Variants in FERMT2 observed in about 807,000 individuals in gnomAD.
FERMT2 encodes the protein fermitin family homolog 2.
FERMT2 carries 15 observed loss-of-function variants against 82.7 expected under a neutral mutation model. The ratio of observed to expected loss-of-function variants is 0.18; its 90% CI spans 0.12 to 0.28. The LOEUF (loss-of-function observed/expected upper bound fraction) is 0.28. Among genes scored for constraint, FERMT2 ranks in the 10% least tolerant of loss-of-function variants. FERMT2 has a pLI of 1.00. For synonymous variants in FERMT2, 274 were observed against 271.5 expected (o/e 1.01, Z -0.09); for missense variants, 645 against 809.4 (o/e 0.80, Z 2.46).
At chr14:52,893,270 C>G in intron 4 of FERMT2, 23 bp downstream of exon 4, 1 of 1,579,068 alleles carries the variant, frequency 6.3e-7, no homozygotes, top group Non-Finnish European at 8.6e-7. Context: ...TACTTTGAGT[C>G]CATTGCTTGG....
chr14:52,950,448 T>C lies in FERMT2; in HGVS notation c.121A>G (p.Ile41Val). The C allele has an allele frequency of 6.2e-7, 1 of 1,613,764 alleles. No homozygotes were observed. Among genetic ancestry groups the C allele is most frequent in the Non-Finnish European group, 8.5e-7 (1 of 1,179,904 alleles). ...VTLRVTGEVHIGGVMLKLVEK... is the reference protein window; with the variant it reads ...VTLRVTGEVHVGGVMLKLVEK... ...ACCAGCTTAAGCATCACGCCTCCAA[T>C]GTGCACCTCGCCGGTCACTCTCAGG... The change falls in exon 2 of 15, where the codon ATT becomes GTT. Residue 41 changes from isoleucine (I) to valine (V), a missense_variant. Coordinates refer to ENST00000341590, the MANE Select transcript of FERMT2 (RefSeq NM_006832.3).
chr14:52,901,105 CAAAAAAAAA>C (rs71125146), intron 3 of FERMT2, among the ~76,000 whole-genome samples: 9,802 of 68,852 alleles, frequency 0.14, 421 homozygotes, highest in East Asian at 0.31. Flanking sequence ...ACTAAAAATA[CAAAAAAAAA>C]AAAAAAAAAA....
intron 3 of FERMT2, among the ~76,000 whole-genome samples, chr14:52,896,281 A>G (rs539786204): frequency 1.2e-4 from 18 of 152,324 alleles, no homozygotes; most frequent in Non-Finnish European, 2.5e-4. Flanking sequence ...AACACAATTC[A>G]TATCACTACA....
intron 4 of FERMT2, among the ~76,000 whole-genome samples, chr14:52,887,908 G>A (rs1886707722): frequency 6.6e-6 from 1 of 152,042 alleles, no homozygotes; most frequent in Admixed American, 6.6e-5. Context: ...TAACCCTTGT[G>A]GAGTTATTTC....
chr14:52,867,487 C>A (rs1885358445), intron 10 of FERMT2, among the ~76,000 whole-genome samples: 1 of 151,168 alleles, frequency 6.6e-6, no homozygotes, highest in African/African-American at 2.4e-5. Flanking sequence ...TTTTTGTTTC[C>A]TTTGCAAGGT....
intron 3 of FERMT2, among the ~76,000 whole-genome samples, chr14:52,910,596 T>C (rs2139610032): frequency 6.6e-6 from 1 of 152,344 alleles, no homozygotes; most frequent in East Asian, 1.9e-4. Flanking sequence ...AGCACTGATC[T>C]GAAAGTGCGT....
At chr14:52,893,609 C>T (rs551861603) in intron 3 of FERMT2, among the ~76,000 whole-genome samples, 182 bp from the exon 4 acceptor site, 2 of 152,140 alleles carry the variant, frequency 1.3e-5, no homozygotes, top group South Asian at 2.1e-4. Flanking sequence ...ATTCTTAATT[C>T]GTAACTATAT....
At chr14:52,912,760 T>C (rs376986224) in intron 3 of FERMT2, among the ~76,000 whole-genome samples, 6 of 152,180 alleles carry the variant, frequency 3.9e-5, no homozygotes, top group African/African-American at 1.2e-4. Flanking sequence ...TCTGCCTGCC[T>C]TGGCCTCCCA....
intron 4 of FERMT2, among the ~76,000 whole-genome samples, chr14:52,887,827 T>TA (rs36115795): frequency 6.6e-6 from 1 of 152,082 alleles, no homozygotes; most frequent in African/African-American, 2.4e-5. Context: ...TAACTTTAGT[T>TA]AAAAAAAGTT....
At chr14:52,941,075 G>A (rs895867979) in intron 2 of FERMT2, among the ~76,000 whole-genome samples, 3 of 152,130 alleles carry the variant, frequency 2.0e-5, no homozygotes, top group African/African-American at 7.2e-5. Context: ...TAACCCAAAT[G>A]CCCTTCAATT....
Position 52,919,287 on chromosome 14 carries a change from T to C in FERMT2, c.227A>G (p.His76Arg), listed in dbSNP as rs1888804336. Reference protein sequence around the residue: ...EKKRTWLLKTHWTLDKYGIQA... With the variant: ...EKKRTWLLKTRWTLDKYGIQA... The stretch of plus-strand genomic sequence containing the variant: ...AATACCATACTTATCTAAGGTCCAA[T>C]GTGTCTTCAGAAGCCAAGTTCTCTT... Residue 76 changes from histidine (H) to arginine (R), a missense_variant, in exon 3 of 15, where the codon CAT (histidine) becomes CGT (arginine). Physicochemically the swap from His to Arg is conservative, Grantham distance 29. Coordinates refer to ENST00000341590, the MANE Select transcript of FERMT2 (RefSeq NM_006832.3). The C allele has an allele frequency of 1.2e-6, 2 of 1,614,096 alleles. No homozygotes were observed. Among genetic ancestry groups the C allele is most frequent in the Admixed American group, 1.7e-5 (1 of 60,012 alleles).
chr14:52,893,312 A>T lies in FERMT2; in HGVS notation c.507T>A (p.Pro169=). 1 of 1,608,312 alleles carries T rather than the reference A, an allele frequency of 6.2e-7. No individual in the cohort carries two copies. Among genetic ancestry groups the T allele is most frequent in the Non-Finnish European group, 8.5e-7 (1 of 1,178,566 alleles). ...TCTTACCTGATCCAGGAGTGATAAGAGGCCCCTCTAATTCAAGTGCCTCAT... is the reference window on the plus strand; with the variant it reads ...TCTTACCTGATCCAGGAGTGATAAGTGGCCCCTCTAATTCAAGTGCCTCAT... The part of the protein sequence containing the change: ...SEDEALELEG[P]LITPGSGSIY... The change falls in exon 4 of 15, where the codon CCT becomes CCA. Residue 169 remains proline (P), a synonymous_variant. Transcript: ENST00000341590.
At chr14:52,908,148 G>A (rs557652765) in intron 3 of FERMT2, among the ~76,000 whole-genome samples, 1 of 152,216 alleles carries the variant, frequency 6.6e-6, no homozygotes, top group South Asian at 2.1e-4. Flanking sequence ...AAGGAGATAG[G>A]CTCTCACACC....
At chr14:52,886,725 C>T (rs1886632083) in intron 4 of FERMT2, among the ~76,000 whole-genome samples, 1 of 152,090 alleles carries the variant, frequency 6.6e-6, no homozygotes, top group Non-Finnish European at 1.5e-5. Context: ...AAATTTTATA[C>T]CCACTTGTGC....
intron 4 of FERMT2, among the ~76,000 whole-genome samples, chr14:52,882,061 T>A (rs1314766791): frequency 1.3e-5 from 2 of 152,188 alleles, no homozygotes; most frequent in Non-Finnish European, 2.9e-5. Flanking sequence ...TGTGCTGTAG[T>A]CAAGTATATA....
At chr14:52,887,130 TC>T (rs2139520707) in intron 4 of FERMT2, among the ~76,000 whole-genome samples, 1 of 151,902 alleles carries the variant, frequency 6.6e-6, no homozygotes, top group African/African-American at 2.4e-5. Flanking sequence ...GGTGCAGTGA[TC>T]CCAGCACTTT....
chr14:52,926,144 A>T (rs1889257713), intron 2 of FERMT2, among the ~76,000 whole-genome samples: 1 of 135,242 alleles, frequency 7.4e-6, no homozygotes, highest in African/African-American at 2.7e-5. Context: ...CATTATGATG[A>T]CTTTAAAATA....
intron 3 of FERMT2, among the ~76,000 whole-genome samples, chr14:52,897,562 C>G (rs1161005448): frequency 1.3e-5 from 2 of 152,042 alleles, no homozygotes; most frequent in Non-Finnish European, 2.9e-5. Flanking sequence ...ACTGGACTTT[C>G]TTTTTTAAAA....
intron 3 of FERMT2, among the ~76,000 whole-genome samples, chr14:52,897,992 A>AAAAAC (rs1887394912): frequency 6.7e-6 from 1 of 149,206 alleles, no homozygotes; most frequent in African/African-American, 2.5e-5. Flanking sequence ...AAAAAAAAAA[A>AAAAAC]AACAACCAAA....
Sources: gnomAD v4.1 joint callset for allele counts (sites outside exome capture counted in the v4.1 genomes callset) on GRCh38, gnomAD v4.1.1 for gene constraint, MANE v1.5 for transcripts, NCBI Gene and HGNC (gene_info 2026-07-23, HGNC 2026-07-21) for gene names.